DPYD: variants seen among roughly 807,000 people sequenced by gnomAD.
The protein encoded by DPYD is dihydropyrimidine dehydrogenase, also known as dihydropyrimidine dehydrogenase [NADP(+)].
DPYD carries 109 observed loss-of-function variants against 116.2 expected under a neutral mutation model. The observed-to-expected ratio is 0.94, with a 90% CI of 0.80 to 1.10. The LOEUF (loss-of-function observed/expected upper bound fraction) is 1.10, where lower values mean the gene tolerates loss of function less well. DPYD is among the 50% of genes least tolerant of loss of function. DPYD has a pLI of 0.00. For synonymous variants in DPYD, 440 were observed against 432.0 expected, an observed-to-expected ratio of 1.02 and a Z score of -0.23; for missense variants, 1,302 against 1,254.5, an observed-to-expected ratio of 1.04 and a Z score of -0.57.
chr1:97,099,748 T>G (rs1650529602), intron 20 of DPYD, among the ~76,000 whole-genome samples: 1 of 152,082 alleles, frequency 6.6e-6, no homozygotes, highest in Non-Finnish European at 1.5e-5. Context: ...AAATCACACT[T>G]GTTTCAAAAC....
At chr1:97,317,320 T>C (rs1558023702) in intron 16 of DPYD, among the ~76,000 whole-genome samples, 2 of 151,922 alleles carry the variant, frequency 1.3e-5, no homozygotes, top group Non-Finnish European at 2.9e-5. Context: ...GTGTTCAAAA[T>C]TGTGGACCAG....
chr1:97,325,934 G>T (rs975382139), intron 16 of DPYD, among the ~76,000 whole-genome samples: 1 of 151,776 alleles, frequency 6.6e-6, no homozygotes, highest in African/African-American at 2.4e-5. Flanking sequence ...AAGATTTTGT[G>T]CCTTATCCTT....
intron 14 of DPYD, among the ~76,000 whole-genome samples, chr1:97,448,069 A>C: frequency 6.6e-6 from 1 of 152,108 alleles, no homozygotes; most frequent in East Asian, 1.9e-4. Context: ...ACAAAAAATT[A>C]AACAATTAGC....
intron 3 of DPYD, among the ~76,000 whole-genome samples, chr1:97,747,519 C>T (rs566422639): frequency 1.9e-4 from 29 of 152,228 alleles, no homozygotes; most frequent in Non-Finnish European, 3.5e-4. Context: ...TCAAGAAGAT[C>T]AGAGTTTCCT....
chr1:97,655,566 A>T (rs986481769), intron 8 of DPYD, among the ~76,000 whole-genome samples: 4 of 152,234 alleles, frequency 2.6e-5, no homozygotes, highest in Non-Finnish European at 5.9e-5. Flanking sequence ...TTGCTTAAAC[A>T]AGTTGATTTC....
intron 8 of DPYD, among the ~76,000 whole-genome samples, chr1:97,612,290 G>T (rs1392108401): frequency 6.6e-6 from 1 of 152,042 alleles, no homozygotes; most frequent in Non-Finnish European, 1.5e-5. Flanking sequence ...GTTCCTGTTA[G>T]GGTGGTCTAA....
At chr1:97,637,234 A>G (rs1434063672) in intron 8 of DPYD, among the ~76,000 whole-genome samples, 2 of 152,046 alleles carry the variant, frequency 1.3e-5, no homozygotes, top group East Asian at 1.9e-4. Flanking sequence ...ACATTATCAC[A>G]AACTTTATCT....
intron 18 of DPYD, among the ~76,000 whole-genome samples, chr1:97,261,913 T>C (rs1663912339): frequency 6.6e-6 from 1 of 151,946 alleles, no homozygotes; most frequent in Admixed American, 6.6e-5. Flanking sequence ...TATTTGCTGT[T>C]TCTTGAAAAT....
At chr1:97,669,373 T>G (rs1306275978) in intron 8 of DPYD, among the ~76,000 whole-genome samples, 2 of 152,108 alleles carry the variant, frequency 1.3e-5, no homozygotes, top group South Asian at 4.1e-4. Context: ...TGACATAACT[T>G]ATAACAGTAC....
At chr1:97,691,032 TTG>T (rs1399006461) in intron 7 of DPYD, among the ~76,000 whole-genome samples, 7 of 152,244 alleles carry the variant, frequency 4.6e-5, no homozygotes, top group African/African-American at 1.4e-4. Context: ...TATTAATCTA[TTG>T]TGTTATATCT....
intron 8 of DPYD, among the ~76,000 whole-genome samples, chr1:97,625,111 T>C (rs946587709): frequency 3.3e-5 from 5 of 152,088 alleles, no homozygotes; most frequent in African/African-American, 1.2e-4. Flanking sequence ...TAAGTTCATA[T>C]GTTCTTACCA....
intron 8 of DPYD, among the ~76,000 whole-genome samples, chr1:97,632,917 C>A (rs1041622408): frequency 1.3e-5 from 2 of 152,016 alleles, no homozygotes; most frequent in Non-Finnish European, 2.9e-5. Context: ...GTCTTTAGAG[C>A]CTAAAGATAG....
At chr1:97,340,632 C>T (rs777465586) in intron 16 of DPYD, among the ~76,000 whole-genome samples, 6 of 152,006 alleles carry the variant, frequency 3.9e-5, no homozygotes, top group East Asian at 1.9e-4. Flanking sequence ...GCTGTGAGCA[C>T]GCCACTGCAC....
chr1:97,766,249 A>G (rs1665851234), intron 3 of DPYD, among the ~76,000 whole-genome samples: 1 of 152,148 alleles, frequency 6.6e-6, no homozygotes, highest in East Asian at 1.9e-4. Flanking sequence ...CTCAAAAAAA[A>G]TAAATAAATA....
intron 1 of DPYD, among the ~76,000 whole-genome samples, chr1:97,900,529 T>C (rs1251445190): frequency 2.0e-5 from 3 of 151,922 alleles, no homozygotes; most frequent in Admixed American, 6.6e-5. Context: ...TCAGCTTAAG[T>C]ATTTTTCTTG....
chr1:97,758,758 T>C (rs1665406324), intron 3 of DPYD, among the ~76,000 whole-genome samples: 1 of 152,162 alleles, frequency 6.6e-6, no homozygotes, highest in Non-Finnish European at 1.5e-5. Flanking sequence ...CAGTCAGCAA[T>C]TTCCCATTTA....
intron 2 of DPYD, among the ~76,000 whole-genome samples, chr1:97,874,308 G>A (rs369544766): frequency 3.5e-4 from 53 of 152,014 alleles, no homozygotes; most frequent in African/African-American, 1.2e-3. Context: ...TTAGGTATTT[G>A]TATCAGATAC....
At chr1:97,482,458 G>A (rs6685976) in intron 13 of DPYD, among the ~76,000 whole-genome samples, 25,416 of 152,056 alleles carry the variant, frequency 0.17, 2,235 homozygotes, top group African/African-American at 0.19. Context: ...GAAAGATACC[G>A]TTTCCATGTG....
intron 12 of DPYD, among the ~76,000 whole-genome samples, chr1:97,522,763 G>A (rs2101995964): frequency 6.6e-6 from 1 of 151,814 alleles, no homozygotes; most frequent in South Asian, 2.1e-4. Context: ...ATTCTTGAAG[G>A]CAATTCTTTC....
Sources: gnomAD v4.1 joint callset for allele counts (sites outside exome capture counted in the v4.1 genomes callset) on GRCh38, gnomAD v4.1.1 for gene constraint, MANE v1.5 for transcripts, NCBI Gene and HGNC (gene_info 2026-07-23, HGNC 2026-07-21) for gene names.